GEMIN5: variants seen among roughly 807,000 people sequenced by gnomAD.
The protein encoded by GEMIN5 is gem nuclear organelle associated protein 5.
In GEMIN5, 124 loss-of-function variants were observed where a neutral mutation model predicts 176.9. The observed-to-expected ratio is 0.70, with a 90% CI of 0.61 to 0.81. The LOEUF (loss-of-function observed/expected upper bound fraction) is 0.81. Ranked by LOEUF, GEMIN5 falls within the 40% of genes least tolerant of loss-of-function variation. GEMIN5 has a pLI of 0.00. For missense variants in GEMIN5, 1,843 were observed against 1,814.6 expected (o/e 1.02, Z -0.28); for synonymous variants, 673 against 665.2 (o/e 1.01, Z -0.18).
chr5:154,927,762 C>G (rs1258705108), intron 6 of GEMIN5, among the ~76,000 whole-genome samples: 1 of 152,108 alleles, frequency 6.6e-6, no homozygotes, highest in African/African-American at 2.4e-5. Flanking sequence ...GAGGCCAAGG[C>G]AGGAGGATTG....
At chr5:154,916,654 T>C (rs2113489846) in intron 13 of GEMIN5, among the ~76,000 whole-genome samples, 1 of 152,080 alleles carries the variant, frequency 6.6e-6, no homozygotes, top group African/African-American at 2.4e-5. Context: ...ACCCGGCAAA[T>C]TTGTTTTTTA....
At chr5:154,915,894 ATTAT>A (rs139832608) in intron 13 of GEMIN5, among the ~76,000 whole-genome samples, 14,996 of 152,228 alleles carry the variant, frequency 0.099, 823 homozygotes, top group Admixed American at 0.15. Flanking sequence ...CTATACAAAA[ATTAT>A]TCATTCATGT....
chr5:154,892,477 C>A lies in GEMIN5; in HGVS notation c.3670G>T (p.Val1224Leu). 2 of 1,614,222 alleles carry A rather than the reference C, an allele frequency of 1.2e-6. No individual in the cohort carries two copies. The highest frequency in any genetic ancestry group is 1.7e-6 in the Non-Finnish European group (2 of 1,180,020). Reference sequence around the variant, plus strand: ...ACCACCGCCCGAAGGAGCGCCTGCACAGCCTCGTCCCAGGAGGCCATCTGT... The same window carrying A: ...ACCACCGCCCGAAGGAGCGCCTGCAAAGCCTCGTCCCAGGAGGCCATCTGT... ...SQQMASWDEA[V>L]QALLRAVVRS... Residue 1224 changes from valine (V) to leucine (L), a missense_variant, in exon 25 of 28, where the codon GTG becomes TTG. Transcript: ENST00000285873.
intron 13 of GEMIN5, among the ~76,000 whole-genome samples, chr5:154,913,873 T>C (rs180903): frequency 0.96 from 146,042 of 152,180 alleles, 70,135 homozygotes; most frequent in South Asian, 0.99. Context: ...TGGTGGTATG[T>C]GCCTGTAGTC....
intron 11 of GEMIN5, among the ~76,000 whole-genome samples, chr5:154,918,782 G>C (rs1197756401): frequency 6.6e-6 from 1 of 152,154 alleles, no homozygotes; most frequent in Admixed American, 6.6e-5. Context: ...GGTGGCTCAT[G>C]CCTATAATCA....
chr5:154,932,182 C>T lies in GEMIN5; in HGVS notation c.578G>A (p.Gly193Asp), dbSNP rs1193426938. 2 of 1,610,006 alleles carry T rather than the reference C, an allele frequency of 1.2e-6. No individual in the cohort carries two copies. The highest frequency in any genetic ancestry group is 8.5e-7 in the Non-Finnish European group (1 of 1,176,250). Residue 193 changes from glycine (G) to aspartate (D), a missense_variant, in exon 4 of 28, where the codon GGC becomes GAC. Gly to Asp is a moderately conservative substitution (Grantham distance 94). Transcript: ENST00000285873. ...TATGGAGTGGATTTCATCATCATGG[C>T]CTCGAAGCCTATGAATAACTTCTCC... Reference protein sequence around the residue: ...KKGEVIHRLRGHDDEIHSIAW... With the variant: ...KKGEVIHRLRDHDDEIHSIAW...
Position 154,907,738 on chromosome 5 carries a change from T to C in GEMIN5, c.2248A>G (p.Arg750Gly). The C allele has an allele frequency of 6.2e-7, 1 of 1,614,198 alleles. No homozygotes were observed. The highest frequency in any genetic ancestry group is 8.5e-7 in the Non-Finnish European group (1 of 1,180,012). Reference sequence around the variant, plus strand: ...ATCGATTCCAGCTTTACAGGAGTTCTCAAGGTGGGCTTTTTCTTCTTTTTG... The same window carrying C: ...ATCGATTCCAGCTTTACAGGAGTTCCCAAGGTGGGCTTTTTCTTCTTTTTG... ...KPKKKKKPTL[R>G]TPVKLESIDG... Residue 750 changes from arginine to glycine, a missense_variant, in exon 16 of 28, where the codon AGA becomes GGA. Arg to Gly is a moderately radical substitution (Grantham distance 125). Transcript: ENST00000285873.
chr5:154,925,966 T>C lies in GEMIN5; in HGVS notation c.1189A>G (p.Ile397Val). 3 of 1,612,880 alleles carry C rather than the reference T, an allele frequency of 1.9e-6. No homozygotes were observed. Among genetic ancestry groups the C allele is most frequent in the Non-Finnish European group, 2.5e-6 (3 of 1,178,874 alleles). The change falls in exon 8 of 28, where the codon ATA becomes GTA. Residue 397 changes from isoleucine (I) to valine (V), a missense_variant. Coordinates refer to ENST00000285873, the MANE Select transcript of GEMIN5 (RefSeq NM_015465.5). Reference sequence around the variant, plus strand: ...CGGATCATGCCATCCCCAACACCTATGGCCAAAGAGCCTATGTCCACAGAA... The same window carrying C: ...CGGATCATGCCATCCCCAACACCTACGGCCAAAGAGCCTATGTCCACAGAA... ...FSSVDIGSLA[I>V]GVGDGMIRVW...
chr5:154,891,341 G>A lies in GEMIN5; in HGVS notation c.4162C>T (p.His1388Tyr), dbSNP rs1429499353. 1.5e-5 allele frequency: 25 copies of A among 1,613,936 alleles called. No individual in the cohort carries two copies. The Admixed American group carries it at 4.0e-4, about 26-fold the overall frequency. Reference protein sequence around the residue: ...QETLAEMIRQHQKSQLCKSTA... With the variant: ...QETLAEMIRQYQKSQLCKSTA... ...GATTTACAGAGTTGACTCTTTTGGT[G>A]TTGTCGGATCATTTCTGCCAAGGTC... is the stretch of plus-strand genomic sequence containing the variant. Residue 1388 changes from histidine to tyrosine, a missense_variant, in exon 26 of 28, where the codon CAC becomes TAC. His to Tyr is a moderately conservative substitution (Grantham distance 83). Transcript: ENST00000285873.
At chr5:154,913,592 G>C (rs549310651) in intron 13 of GEMIN5, among the ~76,000 whole-genome samples, 2 of 152,254 alleles carry the variant, frequency 1.3e-5, no homozygotes, top group South Asian at 4.1e-4. Flanking sequence ...GGGAGGCCAA[G>C]GTGGGCAAAT....
At chr5:154,927,089 A>G (rs1042859830) in intron 7 of GEMIN5, among the ~76,000 whole-genome samples, 9 of 151,900 alleles carry the variant, frequency 5.9e-5, no homozygotes, top group Middle Eastern at 3.4e-3. Flanking sequence ...ACAGCTGATG[A>G]ACTTAAAACC....
intron 7 of GEMIN5, 100 bp from the exon 8 acceptor site, chr5:154,926,174 G>A: frequency 2.9e-6 from 2 of 688,322 alleles, no homozygotes; most frequent in Non-Finnish European, 5.1e-6. Context: ...GACTGGGTAA[G>A]GATAATGCAT....
chr5:154,916,582 G>A (rs952943034), intron 13 of GEMIN5, among the ~76,000 whole-genome samples: 1 of 152,074 alleles, frequency 6.6e-6, no homozygotes, highest in Non-Finnish European at 1.5e-5. Context: ...CAAACTCCTA[G>A]AATCAGATGA....
chr5:154,929,882 T>A (rs1259327536), intron 5 of GEMIN5, among the ~76,000 whole-genome samples: 1 of 152,224 alleles, frequency 6.6e-6, no homozygotes, highest in African/African-American at 2.4e-5. Context: ...TCAAATAAAG[T>A]AGAAAGTACA....
chr5:154,916,907 T>G, intron 13 of GEMIN5, 91 bp downstream of exon 13: 2 of 625,544 alleles, frequency 3.2e-6, no homozygotes. Context: ...TTTATTATAA[T>G]GTCAAAAATA....
chr5:154,919,288 C>T (rs761073686), intron 11 of GEMIN5, among the ~76,000 whole-genome samples: 2 of 152,002 alleles, frequency 1.3e-5, no homozygotes, highest in Non-Finnish European at 2.9e-5. Flanking sequence ...GCCAAGATCA[C>T]GCCACTGCAC....
Position 154,904,576 on chromosome 5 carries a change from G to A in GEMIN5, c.2563C>T (p.Leu855=), listed in dbSNP as rs1763531879. 1.2e-6 allele frequency: 2 copies of A among 1,611,916 alleles called. No homozygotes were observed. Among genetic ancestry groups the A allele is most frequent in the Non-Finnish European group, 1.7e-6 (2 of 1,178,132 alleles). Residue 855 remains leucine, a synonymous_variant, in exon 18 of 28, where the codon CTG becomes TTG. Transcript: ENST00000285873. The part of the protein sequence containing the change: ...ARSLLPLSTS[L]DHRSKEELHQ... Reference sequence around the variant, plus strand: ...AGCTCCTCTTTGGATCTGTGGTCCAGGCTTGTACTCAGGGGAAGCAAGGAA... The same window carrying A: ...AGCTCCTCTTTGGATCTGTGGTCCAAGCTTGTACTCAGGGGAAGCAAGGAA...
rs771800125 is a variant in GEMIN5 at position 154,896,264 on chromosome 5, G to A, written c.3425C>T (p.Ser1142Phe). The A allele has an allele frequency of 6.2e-7, 1 of 1,613,532 alleles. No homozygotes were observed. Among genetic ancestry groups the A allele is most frequent in the Non-Finnish European group, 8.5e-7 (1 of 1,179,778 alleles). Residue 1142 changes from serine to phenylalanine, a missense_variant, in exon 24 of 28, where the codon TCC becomes TTC. Transcript: ENST00000285873. ...CGTGTTCCAAGTGTGGTAAGAGGAG[G>A]AGCTTTTGCCCTCTGAAAGCTGCTT... ...EEKQLSEGKS[S>F]SSYHTWNTGT...
At chr5:154,934,485 T>A (rs185323458) in intron 3 of GEMIN5, among the ~76,000 whole-genome samples, 2 of 152,212 alleles carry the variant, frequency 1.3e-5, no homozygotes, top group African/African-American at 4.8e-5. Context: ...CCTGATTTTT[T>A]ATTTTTAGTA....
Sources: gnomAD v4.1 joint callset for allele counts (sites outside exome capture counted in the v4.1 genomes callset) on GRCh38, gnomAD v4.1.1 for gene constraint, MANE v1.5 for transcripts, NCBI Gene and HGNC (gene_info 2026-07-23, HGNC 2026-07-21) for gene names.